The following USP8 variants were observed in gnomAD, a reference collection of about 807,000 sequenced individuals.
USP8 encodes ubiquitin carboxyl-terminal hydrolase 8.
Under a neutral mutation model 130.0 loss-of-function variants are expected in USP8, and 27 were observed. The observed-to-expected ratio is 0.21, with a 90% CI of 0.15 to 0.29. The LOEUF (loss-of-function observed/expected upper bound fraction) is 0.29. Ranked by LOEUF, USP8 falls within the 10% of genes least tolerant of loss-of-function variation. The pLI is 1.00. For missense variants in USP8, 1,029 were observed against 1,312.2 expected (o/e 0.78, Z 3.33); for synonymous variants, 392 against 444.1 (o/e 0.88, Z 1.48).
rs146645880 is a variant in USP8, at chr15:50,513,723, A to G, written c.*14635A>G. The G allele has an allele frequency of 1.3e-4, 14 of 110,324 alleles. No homozygotes were observed. Among genetic ancestry groups the G allele is most frequent in the Non-Finnish European group, 2.2e-4 (10 of 44,672 alleles). 6.8% of individuals were successfully genotyped at this position (110,324 alleles called of 1,614,324 possible). On this transcript the variant is annotated 3_prime_UTR_variant, in exon 20 of 20. Coordinates refer to ENST00000307179, the MANE Select transcript of USP8 (RefSeq NM_005154.5). ...ATTTAAACCACAATGCCATTCTACT[A>G]TATGGGCAACCAGAAGGGCCAAAAC...
At position 50,499,353 on chromosome 15, in the gene USP8, CATT is replaced by C. The variant is rs2052530682; in HGVS notation, c.*272_*274del. The C allele has an allele frequency of 7.0e-6, 2 of 287,616 alleles. No individual in the cohort carries two copies. Among genetic ancestry groups the C allele is most frequent in the East Asian group, 1.2e-4 (2 of 17,082 alleles). 17.8% of individuals were successfully genotyped at this position (287,616 alleles called of 1,614,324 possible). A position where few individuals can be genotyped will look rare whatever the true frequency, so the allele number is the denominator to read the frequency against. ...AAGTTAAAATAATTAACTAGCTAAGCATTATTATTCGACTGGTCTAAAAACTAT... is the reference window on the plus strand; with the variant it reads ...AAGTTAAAATAATTAACTAGCTAAGCATTATTCGACTGGTCTAAAAACTAT... On this transcript the variant is annotated 3_prime_UTR_variant, in exon 20 of 20. Coordinates refer to ENST00000307179, the MANE Select transcript of USP8 (RefSeq NM_005154.5).
chr15:50,477,718 A>G (rs1595961159), intron 10 of USP8, among the ~76,000 whole-genome samples: 1 of 151,954 alleles, frequency 6.6e-6, no homozygotes. Context: ...GTGGGTGCCT[A>G]TAAATCCAGC....
chr15:50,493,446 T>C (rs778698976), intron 15 of USP8: 7 of 518,912 alleles, frequency 1.3e-5, no homozygotes, highest in South Asian at 9.8e-5. Context: ...AAGGGGAAAA[T>C]ATCTTTATCC....
chr15:50,497,116 G>GA lies in USP8; in HGVS notation c.2928dup (p.Leu977ThrfsTer4). The GA allele has an allele frequency of 1.2e-6, 2 of 1,604,644 alleles. No homozygotes were observed. Among genetic ancestry groups the GA allele is most frequent in the Non-Finnish European group, 1.7e-6 (2 of 1,176,800 alleles). ...TTGCCTTAGATTATTTTCCAAAGAA[G>GA]AAAAACTCACAGATAACAACAGATT... is the stretch of plus-strand genomic sequence containing the variant. On this transcript the variant is annotated frameshift_variant, in exon 18 of 20. Coordinates refer to ENST00000307179, the MANE Select transcript of USP8 (RefSeq NM_005154.5). LOFTEE classifies it high-confidence loss of function.
At chr15:50,459,832 G>A (rs3131571) in intron 5 of USP8, among the ~76,000 whole-genome samples, 30,827 of 151,796 alleles carry the variant, frequency 0.2, 3,676 homozygotes, top group East Asian at 0.47. Context: ...TTATAGTCTT[G>A]AAATAGACAA....
At chr15:50,465,541 G>T (rs1278590808) in intron 7 of USP8, among the ~76,000 whole-genome samples, 2 of 152,072 alleles carry the variant, frequency 1.3e-5, no homozygotes, top group Non-Finnish European at 2.9e-5. Context: ...TGATTTGGCT[G>T]TTTTCTCCTA....
chr15:50,495,879 A>T lies in USP8; in HGVS notation c.2690A>T (p.Asn897Ile). ...ADNRKRYKEENNDHLDDFKAA... is the reference protein window; with the variant it reads ...ADNRKRYKEEINDHLDDFKAA... Reference sequence around the variant, plus strand: ...AATCGGAAGAGATATAAAGAAGAAAATAATGATCATCTCGATGACTTTAAA... The same window carrying T: ...AATCGGAAGAGATATAAAGAAGAAATTAATGATCATCTCGATGACTTTAAA... The change falls in exon 17 of 20, where the codon AAT becomes ATT. Residue 897 changes from asparagine (N) to isoleucine (I), a missense_variant. By Grantham distance (149) the Asn-to-Ile change is moderately radical. Coordinates refer to ENST00000307179, the MANE Select transcript of USP8 (RefSeq NM_005154.5). 6.2e-7 allele frequency: 1 copy of T among 1,613,866 alleles called. No individual in the cohort carries two copies. Among genetic ancestry groups the T allele is most frequent in the Non-Finnish European group, 8.5e-7 (1 of 1,179,872 alleles).
At chr15:50,456,202 C>T (rs2050783280) in intron 4 of USP8, among the ~76,000 whole-genome samples, 3 of 152,102 alleles carry the variant, frequency 2.0e-5, no homozygotes, top group African/African-American at 7.2e-5. Flanking sequence ...TCGTGATCAC[C>T]ATGTTCCTGT....
intron 7 of USP8, among the ~76,000 whole-genome samples, chr15:50,469,917 C>T (rs1028371154): frequency 1.3e-5 from 2 of 151,832 alleles, no homozygotes; most frequent in Non-Finnish European, 2.9e-5. Flanking sequence ...CTGCAACCCC[C>T]ACCTCCCAGG....
rs1319173386 is a variant in USP8, at chr15:50,435,935, C to A, written c.-65-3074C>A. The stretch of plus-strand genomic sequence containing the variant: ...CATTTGCCAAGTCCTGTCATTCTAC[C>A]TTTGCAGCATCTCTTATTATATCTG... On this transcript the variant is annotated intron_variant, in intron 1 of 19. Coordinates refer to ENST00000307179, the MANE Select transcript of USP8 (RefSeq NM_005154.5). 2.8e-4 allele frequency among the ~76,000 whole-genome samples: 43 copies of A among 152,130 alleles called. 1 individual carries two copies. The highest frequency in any genetic ancestry group is 2.8e-3 in the Admixed American group (43 of 15,240).
intron 3 of USP8, among the ~76,000 whole-genome samples, chr15:50,445,288 G>A (rs577393403): frequency 6.6e-6 from 1 of 151,738 alleles, no homozygotes; most frequent in Non-Finnish European, 1.5e-5. Flanking sequence ...GCTCACCCCT[G>A]TAATCCCAGC....
At chr15:50,477,216 TGTA>T in intron 9 of USP8, 57 bp from the exon 10 acceptor site, 1 of 1,455,404 alleles carries the variant, frequency 6.9e-7, no homozygotes, top group South Asian at 1.3e-5. Context: ...GCATGAGAAA[TGTA>T]AGTACTGTGT....
intron 1 of USP8, among the ~76,000 whole-genome samples, chr15:50,432,703 A>G (rs1414769447): frequency 6.6e-6 from 1 of 152,212 alleles, no homozygotes; most frequent in Admixed American, 6.5e-5. Flanking sequence ...TATATCATAT[A>G]CACATGTACA....
At position 50,496,089 on chromosome 15, in the gene USP8, G is replaced by GT. The variant is rs2052389478; in HGVS notation, c.2895+8dup. 3.8e-6 allele frequency: 6 copies of GT among 1,583,858 alleles called. No individual in the cohort carries two copies. In the East Asian group the frequency reaches 1.3e-4, roughly 36 times the overall value. ...ACAAGTAAATGTACATTACAGGTAA[G>GT]TTTAAGAAGTAGAGAGAAAATGATT... On this transcript the variant is annotated splice_donor_region_variant and intron_variant, in intron 17 of 19. Transcript: ENST00000307179.
chr15:50,495,658 T>C (rs2052368232), intron 16 of USP8, among the ~76,000 whole-genome samples, 190 bp from the exon 17 acceptor site: 1 of 152,160 alleles, frequency 6.6e-6, no homozygotes, highest in South Asian at 2.1e-4. Flanking sequence ...ATTCCTTCAA[T>C]AAAGTGAGTG....
At chr15:50,463,742 A>G (rs1164115540) in intron 6 of USP8, among the ~76,000 whole-genome samples, 1 of 152,182 alleles carries the variant, frequency 6.6e-6, no homozygotes, top group Non-Finnish European at 1.5e-5. Context: ...TAGCAGCTAT[A>G]GGTCTTTTAG....
In USP8 at chr15:50,477,489, A is replaced by G; in HGVS notation, c.1208A>G (p.Asn403Ser). ...ATTCAGCCAGTGCCTAGTATAAAGA[A>G]TGTTCCACAGGTATGTTCTTGATTT... ...PIIQPVPSIKNVPQIDRTKKP... is the reference protein window; with the variant it reads ...PIIQPVPSIKSVPQIDRTKKP... Residue 403 changes from asparagine to serine, a missense_variant, in exon 10 of 20, where the codon AAT becomes AGT. This residue lies in a region of USP8 where 486 missense variants were observed against 522.0 expected (regional missense o/e 0.93). Coordinates refer to ENST00000307179, the MANE Select transcript of USP8 (RefSeq NM_005154.5). The G allele has an allele frequency of 6.2e-7, 1 of 1,612,310 alleles. No individual in the cohort carries two copies. Among genetic ancestry groups the G allele is most frequent in the Non-Finnish European group, 8.5e-7 (1 of 1,179,168 alleles).
intron 10 of USP8, among the ~76,000 whole-genome samples, chr15:50,479,237 C>T (rs369796848): frequency 1.3e-5 from 2 of 152,102 alleles, no homozygotes; most frequent in African/African-American, 2.4e-5. Context: ...AGATCAAGGA[C>T]GTCTTCATGG....
In USP8 at chr15:50,459,158, A is replaced by G; in HGVS notation, c.494A>G (p.Gln165Arg). Residue 165 changes from glutamine to arginine, a missense_variant, in exon 5 of 20, where the codon CAA becomes CGA. Gln to Arg is a conservative substitution (Grantham distance 43). Transcript: ENST00000307179. Reference sequence around the variant, plus strand: ...GTTTTGGATTCCAAAGACAAAACCCAAAAGGTATTTCAAATTTAATGTGTG... The same window carrying G: ...GTTTTGGATTCCAAAGACAAAACCCGAAAGGTATTTCAAATTTAATGTGTG... ...ENVLDSKDKT[Q>R]KSNGEKNEKC... 1 of 1,600,352 alleles carries G rather than the reference A, an allele frequency of 6.2e-7. No homozygotes were observed. Among genetic ancestry groups the G allele is most frequent in the Non-Finnish European group, 8.5e-7 (1 of 1,176,262 alleles).
Sources: gnomAD v4.1 joint callset for allele counts (sites outside exome capture counted in the v4.1 genomes callset) on GRCh38, gnomAD v4.1.1 for gene constraint, gnomAD v4.1.1 regional missense constraint, MANE v1.5 for transcripts, NCBI Gene and HGNC (gene_info 2026-07-23, HGNC 2026-07-21) for gene names.